MTARC2: variants seen among roughly 807,000 people sequenced by gnomAD.
The protein encoded by MTARC2 is mitochondrial amidoxime reducing component 2.
In MTARC2, 27 loss-of-function variants were observed where a neutral mutation model predicts 35.6. That is an observed-to-expected ratio of 0.76 (90% CI 0.56 to 1.04). MTARC2 has a LOEUF of 1.04. Among genes scored for constraint, MTARC2 ranks in the 50% least tolerant of loss-of-function variants. The pLI is 0.00. For synonymous variants in MTARC2, 158 were observed against 167.1 expected (o/e 0.95, Z 0.42); for missense variants, 412 against 432.5 (o/e 0.95, Z 0.42).
chr1:220,771,796 T>C (rs1182836232), intron 4 of MTARC2, among the ~76,000 whole-genome samples: 1 of 152,094 alleles, frequency 6.6e-6, no homozygotes. Flanking sequence ...GACAAATACC[T>C]AATGCACGTG....
rs188064127 is a variant in MTARC2, at chr1:220,761,055, A to C, written c.447-603A>C. On this transcript the variant is annotated intron_variant, in intron 2 of 7. Coordinates refer to ENST00000366913, the MANE Select transcript of MTARC2 (RefSeq NM_017898.5). ...CAACTTATAGTTCTGTGAAGGGTCCATAGCTTTTTAAAACTCCATTAGGGG... is the reference window on the plus strand; with the variant it reads ...CAACTTATAGTTCTGTGAAGGGTCCCTAGCTTTTTAAAACTCCATTAGGGG... 5.1e-3 allele frequency among the ~76,000 whole-genome samples: 775 copies of C among 152,394 alleles called. 9 individuals carry two copies. The highest frequency in any genetic ancestry group is 0.018 in the African/African-American group (736 of 41,600).
Position 220,780,181 on chromosome 1 carries a change from A to C in MTARC2, c.826A>C (p.Thr276Pro), listed in dbSNP as rs147257085. The C allele has an allele frequency of 4.6e-4, 735 of 1,612,752 alleles. 1 individual carries two copies. Among genetic ancestry groups the C allele is most frequent in the Non-Finnish European group, 2.6e-4 (301 of 1,179,648 alleles). The part of the protein sequence containing the change: ...VMACPRCILT[T>P]VDPDTGVIDR... The stretch of plus-strand genomic sequence containing the variant: ...ACTGCATAACAGGTGTATTTTGACA[A>C]CGGTGGACCCAGACACTGGAGTCAT... Residue 276 changes from threonine to proline, a missense_variant, in exon 6 of 8, where the codon ACG (threonine) becomes CCG (proline). Physicochemically the swap from Thr to Pro is conservative, Grantham distance 38. Coordinates refer to ENST00000366913, the MANE Select transcript of MTARC2 (RefSeq NM_017898.5).
intron 4 of MTARC2, among the ~76,000 whole-genome samples, chr1:220,763,521 A>G (rs1357676404): frequency 1.3e-5 from 2 of 152,138 alleles, no homozygotes; most frequent in East Asian, 3.9e-4. Context: ...CTCCCAGGGC[A>G]CCCACATGCT....
intron 4 of MTARC2, among the ~76,000 whole-genome samples, chr1:220,763,969 T>G (rs1028225775): frequency 1.3e-5 from 2 of 152,094 alleles, no homozygotes; most frequent in Non-Finnish European, 2.9e-5. Context: ...AGAGCTGGGG[T>G]GACAATTCCA....
At chr1:220,750,882 A>G (rs556379321) in intron 1 of MTARC2, among the ~76,000 whole-genome samples, 5 of 152,344 alleles carry the variant, frequency 3.3e-5, no homozygotes, top group Admixed American at 6.5e-5. Flanking sequence ...AGTGCATGAT[A>G]TAAAACTATA....
rs190667827 is a variant in MTARC2 at position 220,770,230 on chromosome 1, A to G, written c.750+7180A>G. The stretch of plus-strand genomic sequence containing the variant: ...AGTCACTTAAAGTCCATTTCTCGAG[A>G]TGTCCTTCACCATGCTTTTTCTAGT... On this transcript the variant is annotated intron_variant, in intron 4 of 7. Coordinates refer to ENST00000366913, the MANE Select transcript of MTARC2 (RefSeq NM_017898.5). Among the ~76,000 whole-genome samples the G allele has an allele frequency of 9.1e-4, 139 of 152,276 alleles. 2 individuals are homozygous for G. Among genetic ancestry groups the G allele is most frequent in the African/African-American group, 3.0e-3 (123 of 41,552 alleles).
chr1:220,782,547 A>C (rs1672105377), intron 7 of MTARC2, among the ~76,000 whole-genome samples: 1 of 152,232 alleles, frequency 6.6e-6, no homozygotes, highest in African/African-American at 2.4e-5. Flanking sequence ...AGTTGGACAG[A>C]GGACCTCAAA....
At chr1:220,778,794 A>C (rs1671988822) in intron 4 of MTARC2, among the ~76,000 whole-genome samples, 1 of 152,192 alleles carries the variant, frequency 6.6e-6, no homozygotes, top group Non-Finnish European at 1.5e-5. Context: ...ATTCCTGTGT[A>C]AAAGATGTCT....
At chr1:220,780,143 C>T (rs1329105463) in intron 5 of MTARC2, 25 bp from the exon 6 acceptor site, 2 of 1,610,596 alleles carry the variant, frequency 1.2e-6, no homozygotes, top group Non-Finnish European at 1.7e-6. Context: ...TAAGCATCAC[C>T]TAACCCTTGG....
chr1:220,767,008 G>GA (rs1315415286), intron 4 of MTARC2, among the ~76,000 whole-genome samples: 3 of 150,870 alleles, frequency 2.0e-5, no homozygotes, highest in East Asian at 3.9e-4. Flanking sequence ...AATTAAAAGT[G>GA]AAAAAAAATA....
intron 7 of MTARC2, 126 bp from the exon 8 acceptor site, chr1:220,783,793 T>C: frequency 1.5e-6 from 1 of 652,450 alleles, no homozygotes; most frequent in Non-Finnish European, 2.8e-6. Context: ...CCATGCTTTC[T>C]GCACAGCACT....
Position 220,761,740 on chromosome 1 carries a change from T to A in MTARC2, c.529T>A (p.Tyr177Asn), listed in dbSNP as rs774273805. 5.5e-5 allele frequency: 89 copies of A among 1,614,060 alleles called. No homozygotes were observed. The South Asian group carries it at 9.7e-4, about 18-fold the overall frequency. Residue 177 changes from tyrosine (Y) to asparagine (N), a missense_variant, in exon 3 of 8, where the codon TAT becomes AAT. Physicochemically the swap from Tyr to Asn is moderately radical, Grantham distance 143. Coordinates refer to ENST00000366913, the MANE Select transcript of MTARC2 (RefSeq NM_017898.5). ...WFTNFLKTEA[Y>N]RLVQFETNMK... ...CACCAACTTCTTGAAAACTGAAGCG[T>A]ATAGATTGGTTCAATTTGAGACAAA...
At chr1:220,759,893 C>T (rs1310236735) in intron 2 of MTARC2, among the ~76,000 whole-genome samples, 1 of 152,022 alleles carries the variant, frequency 6.6e-6, no homozygotes, top group Non-Finnish European at 1.5e-5. Flanking sequence ...GAGTCTCTAC[C>T]CTCAGACCAG....
intron 2 of MTARC2, among the ~76,000 whole-genome samples, chr1:220,755,592 G>T (rs1380472411): frequency 6.6e-6 from 1 of 152,128 alleles, no homozygotes; most frequent in South Asian, 2.1e-4. Flanking sequence ...TGGGTCACAG[G>T]TTGTCTGGTA....
In MTARC2 at chr1:220,784,087, G is replaced by C; in HGVS notation, c.*200G>C. On this transcript the variant is annotated 3_prime_UTR_variant, in exon 8 of 8. Coordinates refer to ENST00000366913, the MANE Select transcript of MTARC2 (RefSeq NM_017898.5). The stretch of plus-strand genomic sequence containing the variant: ...GGTTAATGCAAGGAAAGTATTAGAG[G>C]GGGGAATATGAAAGTATATATATAA... The C allele has an allele frequency of 1.6e-6, 1 of 609,696 alleles. No individual in the cohort carries two copies. Among genetic ancestry groups the C allele is most frequent in the African/African-American group, 1.9e-5 (1 of 53,846 alleles). 37.8% of individuals were successfully genotyped at this position (609,696 alleles called of 1,614,324 possible). A position where few individuals can be genotyped will look rare whatever the true frequency, so the allele number is the denominator to read the frequency against.
At chr1:220,770,482 T>C in intron 4 of MTARC2, 2 of 985,202 alleles carry the variant, frequency 2.0e-6, no homozygotes, top group Non-Finnish European at 2.4e-6. Context: ...TAAGGAGAGG[T>C]CATTCACTTT....
Position 220,748,452 on chromosome 1 carries a change from TC to T in MTARC2, c.-78del. The stretch of plus-strand genomic sequence containing the variant: ...CTTTGACTCCTCTCGCCTGCCCGGA[TC>T]CTTAAGGGCCTCCTCGTCCTCCCGG... On this transcript the variant is annotated 5_prime_UTR_variant, in exon 1 of 8. Coordinates refer to ENST00000366913, the MANE Select transcript of MTARC2 (RefSeq NM_017898.5). 1 of 1,302,748 alleles carries T rather than the reference TC, an allele frequency of 7.7e-7. No individual in the cohort carries two copies. The highest frequency in any genetic ancestry group is 2.1e-5 in the South Asian group (1 of 48,540). 80.7% of individuals were successfully genotyped at this position (1,302,748 alleles called of 1,614,324 possible).
In MTARC2 at chr1:220,748,625, GC is replaced by G; in HGVS notation, c.96del (p.Val33TrpfsTer33). 6.7e-7 allele frequency: 1 copy of G among 1,490,080 alleles called. No individual in the cohort carries two copies. Among genetic ancestry groups the G allele is most frequent in the East Asian group, 2.8e-5 (1 of 36,020 alleles). 92.3% of individuals were successfully genotyped at this position (1,490,080 alleles called of 1,614,324 possible). On this transcript the variant is annotated frameshift_variant, in exon 1 of 8. Transcript: ENST00000366913. LOFTEE classifies it high-confidence loss of function. ...WLGVAALGLAAVALGTVAWRR... is the reference protein window; with the variant it reads ...WLGVAALGLAXVALGTVAWRR... ...CGGGGTCGCCGCGCTAGGACTGGCC[GC>G]CGTGGCCCTGGGGACTGTCGCCTGG...
intron 4 of MTARC2, among the ~76,000 whole-genome samples, chr1:220,767,398 G>A (rs568184301): frequency 6.6e-6 from 1 of 152,300 alleles, no homozygotes; most frequent in African/African-American, 2.4e-5. Context: ...AAAACACAGA[G>A]TAATAGGAGA....
Sources: allele counts gnomAD v4.1 joint callset (sites outside exome capture counted in the v4.1 genomes callset), GRCh38; gene constraint gnomAD v4.1.1; transcripts MANE v1.5; gene names NCBI Gene and HGNC (gene_info 2026-07-23, HGNC 2026-07-21).